Variants in BMPR1A observed in about 807,000 individuals in gnomAD.
BMPR1A encodes the protein bone morphogenetic protein receptor type-1A.
BMPR1A carries 7 observed loss-of-function variants against 66.0 expected under a neutral mutation model. The observed-to-expected ratio is 0.11, with a 90% CI of 0.06 to 0.20. The LOEUF (loss-of-function observed/expected upper bound fraction) is 0.20, where lower values mean the gene tolerates loss of function less well. Among genes scored for constraint, BMPR1A ranks in the 10% least tolerant of loss-of-function variants. BMPR1A has a pLI of 1.00. For synonymous variants in BMPR1A, 200 were observed against 229.7 expected, an observed-to-expected ratio of 0.87 and a Z score of 1.17; for missense variants, 408 against 669.1, an observed-to-expected ratio of 0.61 and a Z score of 4.31.
At chr10:86,922,192 A>G (rs1022024400) in intron 11 of BMPR1A, among the ~76,000 whole-genome samples, 6 of 152,136 alleles carry the variant, frequency 3.9e-5, no homozygotes, top group Non-Finnish European at 5.9e-5. Flanking sequence ...ACTTAACGTT[A>G]TGACATCCAG....
intron 1 of BMPR1A, among the ~76,000 whole-genome samples, chr10:86,773,194 T>G (rs945161734): frequency 6.6e-6 from 1 of 152,056 alleles, no homozygotes; most frequent in Non-Finnish European, 1.5e-5. Context: ...TTAAGTTTTT[T>G]TTTTTAATCA....
chr10:86,910,626 A>G (rs190696987), intron 7 of BMPR1A, among the ~76,000 whole-genome samples: 188 of 152,164 alleles, frequency 1.2e-3, no homozygotes, highest in African/African-American at 4.4e-3. Flanking sequence ...TTTTTGCCAT[A>G]TACCCTTTTG....
At chr10:86,854,095 C>T (rs1842608781) in intron 2 of BMPR1A, among the ~76,000 whole-genome samples, 1 of 152,166 alleles carries the variant, frequency 6.6e-6, no homozygotes, top group African/African-American at 2.4e-5. Context: ...CTCAGGGGCA[C>T]ATTCTCTTTC....
intron 5 of BMPR1A, among the ~76,000 whole-genome samples, chr10:86,898,220 C>G (rs1432612453): frequency 6.6e-6 from 1 of 151,566 alleles, no homozygotes; most frequent in Non-Finnish European, 1.5e-5. Context: ...CTTTCTTTCC[C>G]TTTTAAAGAA....
At chr10:86,765,483 CAAAAA>C (rs34219531) in intron 1 of BMPR1A, among the ~76,000 whole-genome samples, 2 of 70,652 alleles carry the variant, frequency 2.8e-5, no homozygotes, top group Non-Finnish European at 2.8e-5. Context: ...GACTCTGTCT[CAAAAA>C]AAAAAAAAAA....
intron 2 of BMPR1A, chr10:86,855,315 C>T (rs961741973): frequency 3.1e-6 from 3 of 971,954 alleles, no homozygotes; most frequent in Non-Finnish European, 4.3e-6. Flanking sequence ...AAGTCTCCTT[C>T]AAAACTTTAA....
At chr10:86,913,370 C>A (rs2133553315) in intron 8 of BMPR1A, among the ~76,000 whole-genome samples, 1 of 148,952 alleles carries the variant, frequency 6.7e-6, no homozygotes, top group East Asian at 2.0e-4. Context: ...CTCAACTGAT[C>A]CTTCCACCTT....
At chr10:86,885,640 C>T (rs1194620964) in intron 3 of BMPR1A, among the ~76,000 whole-genome samples, 1 of 152,186 alleles carries the variant, frequency 6.6e-6, no homozygotes, top group African/African-American at 2.4e-5. Context: ...CTTGACTTTC[C>T]TTCTGCTGAT....
In BMPR1A at chr10:86,895,371, C is replaced by G. The variant is rs186439335; in HGVS notation, c.333+3142C>G. On this transcript the variant is annotated intron_variant, in intron 5 of 12. Transcript: ENST00000372037. ...TGATCAACATGGCGACACCCCGTCTCTACTGATAATACAAAACTTAGTCAG... is the reference window on the plus strand; with the variant it reads ...TGATCAACATGGCGACACCCCGTCTGTACTGATAATACAAAACTTAGTCAG... 2.4e-3 allele frequency among the ~76,000 whole-genome samples: 372 copies of G among 152,078 alleles called. 4 individuals carry two copies. The highest frequency in any genetic ancestry group is 6.0e-4 in the Non-Finnish European group (41 of 67,992).
Position 86,785,207 on chromosome 10 carries a change from A to C in BMPR1A, c.-268+28288A>C, listed in dbSNP as rs141071449. On this transcript the variant is annotated intron_variant, in intron 1 of 12. Transcript: ENST00000372037. ...TGATTTCAGTCTTCTTAAATTTGCTAAGACTTGTTCTGTGGCCTAACATGT... is the reference window on the plus strand; with the variant it reads ...TGATTTCAGTCTTCTTAAATTTGCTCAGACTTGTTCTGTGGCCTAACATGT... Among the ~76,000 whole-genome samples the C allele has an allele frequency of 3.8e-3, 579 of 152,360 alleles. 4 individuals carry two copies. Among genetic ancestry groups the C allele is most frequent in the African/African-American group, 0.013 (546 of 41,586 alleles).
intron 4 of BMPR1A, 143 bp from the exon 5 acceptor site, chr10:86,891,984 A>G: frequency 1.5e-6 from 1 of 688,438 alleles, no homozygotes; most frequent in South Asian, 1.6e-5. Context: ...TGGCGTTGCC[A>G]ATAAATCACG....
intron 1 of BMPR1A, among the ~76,000 whole-genome samples, chr10:86,778,775 C>G (rs985949736): frequency 4.6e-5 from 7 of 152,068 alleles, no homozygotes; most frequent in Admixed American, 3.9e-4. Context: ...TTCCTATCCT[C>G]TGTTCTGTGT....
chr10:86,885,748 G>A (rs1232624128), intron 3 of BMPR1A, among the ~76,000 whole-genome samples: 1 of 152,170 alleles, frequency 6.6e-6, no homozygotes, highest in Non-Finnish European at 1.5e-5. Context: ...TGCATCAGTA[G>A]CCCATTGGTC....
chr10:86,801,431 G>A (rs1841809316), intron 1 of BMPR1A, among the ~76,000 whole-genome samples: 1 of 152,242 alleles, frequency 6.6e-6, no homozygotes, highest in Non-Finnish European at 1.5e-5. Context: ...GTGAGCCACT[G>A]TGCCCAGCCT....
intron 2 of BMPR1A, among the ~76,000 whole-genome samples, chr10:86,859,881 C>G (rs981211992): frequency 2.0e-5 from 3 of 152,244 alleles, no homozygotes; most frequent in African/African-American, 7.2e-5. Flanking sequence ...AAACCAAAAC[C>G]TCCCTTAGAC....
chr10:86,889,607 G>A (rs1343620366), intron 3 of BMPR1A: 1 of 170,568 alleles, frequency 5.9e-6, no homozygotes, highest in East Asian at 1.7e-4. Context: ...CGGTCACGAA[G>A]GTGGTTTTCC....
At chr10:86,841,696 C>G (rs1842425633) in intron 2 of BMPR1A, among the ~76,000 whole-genome samples, 1 of 152,124 alleles carries the variant, frequency 6.6e-6, no homozygotes, top group Non-Finnish European at 1.5e-5. Context: ...TGACAGCCCC[C>G]TAGGTAGCTT....
At chr10:86,832,020 T>G (rs1183889043) in intron 1 of BMPR1A, among the ~76,000 whole-genome samples, 1 of 152,214 alleles carries the variant, frequency 6.6e-6, no homozygotes, top group African/African-American at 2.4e-5. Context: ...CATGGTTCAC[T>G]GTGATAAGTG....
At chr10:86,824,386 A>G (rs1457885515) in intron 1 of BMPR1A, among the ~76,000 whole-genome samples, 3 of 152,120 alleles carry the variant, frequency 2.0e-5, no homozygotes, top group African/African-American at 7.2e-5. Context: ...TCCCTTAGGC[A>G]TGTGACTCAC....
Sources: gnomAD v4.1 joint callset for allele counts (sites outside exome capture counted in the v4.1 genomes callset) on GRCh38, gnomAD v4.1.1 for gene constraint, MANE v1.5 for transcripts, NCBI Gene and HGNC (gene_info 2026-07-23, HGNC 2026-07-21) for gene names.